Variants in A1CF observed in about 807,000 individuals in gnomAD.
A1CF encodes APOBEC1 complementation factor, also known as APOBEC-1 stimulating protein.
A1CF carries 48 observed loss-of-function variants against 68.9 expected under a neutral mutation model. The observed-to-expected ratio is 0.70, with a 90% CI of 0.55 to 0.89. A1CF has a LOEUF of 0.89. A1CF is among the 40% of genes least tolerant of loss of function. The pLI is 0.00. For missense variants in A1CF, 653 were observed against 718.9 expected (o/e 0.91, Z 1.05); for synonymous variants, 272 against 260.4 (o/e 1.04, Z -0.43).
intron 3 of A1CF, among the ~76,000 whole-genome samples, chr10:50,851,080 A>G (rs1237104334): frequency 6.6e-6 from 1 of 152,194 alleles, no homozygotes; most frequent in Non-Finnish European, 1.5e-5. Context: ...ACATAATCCC[A>G]TCCAATGCAC....
At chr10:50,874,885 A>G (rs781412580) in intron 1 of A1CF, among the ~76,000 whole-genome samples, 1 of 152,102 alleles carries the variant, frequency 6.6e-6, no homozygotes, top group Admixed American at 6.5e-5. Context: ...TGGTAGAATC[A>G]CCTGTGCTTA....
chr10:50,835,302 G>T (rs974018602), intron 6 of A1CF, among the ~76,000 whole-genome samples: 6 of 152,042 alleles, frequency 3.9e-5, no homozygotes, highest in African/African-American at 1.2e-4. Context: ...CATCTTTGTT[G>T]TGGTTGTTTT....
intron 7 of A1CF, among the ~76,000 whole-genome samples, chr10:50,826,702 G>T (rs1251750151): frequency 6.6e-6 from 1 of 152,036 alleles, no homozygotes; most frequent in Non-Finnish European, 1.5e-5. Context: ...GACCATCCAG[G>T]CTAGGAAGAA....
chr10:50,834,479 G>T (rs543237089), intron 6 of A1CF, among the ~76,000 whole-genome samples: 80 of 152,306 alleles, frequency 5.3e-4, no homozygotes, highest in African/African-American at 1.9e-3. Context: ...GGTCATTGAG[G>T]TGTCTGTCCT....
chr10:50,824,939 G>A (rs1838847646), intron 7 of A1CF, among the ~76,000 whole-genome samples: 1 of 152,188 alleles, frequency 6.6e-6, no homozygotes. Context: ...TTGGCACACA[G>A]TAAGGTGGTC....
chr10:50,838,264 C>A (rs1839612817), intron 5 of A1CF, among the ~76,000 whole-genome samples: 1 of 152,228 alleles, frequency 6.6e-6, no homozygotes, highest in South Asian at 2.1e-4. Context: ...GCTGAAGAAC[C>A]AAGGACCGTG....
rs1209343729 is a variant in A1CF at position 50,860,086 on chromosome 10, G to A, written c.-45-101C>T. The A allele has an allele frequency of 2.4e-5, 15 of 630,832 alleles. No individual in the cohort carries two copies. The East Asian group carries it at 2.8e-4, about 12-fold the overall frequency. The allele number at this position is 630,832 out of a possible 1,614,324, so 39.1% of individuals were successfully genotyped here. On this transcript the variant is annotated intron_variant, in intron 2 of 12. Coordinates refer to ENST00000373997, the MANE Select transcript of A1CF (RefSeq NM_014576.4). ...TTTAGGAAATATTCTCTGTAAATGC[G>A]TCATTAAAGTTAGAGCAACTAAGAG...
Position 50,806,648 on chromosome 10 carries a change from G to T in A1CF, c.*81C>A. On this transcript the variant is annotated 3_prime_UTR_variant, in exon 13 of 13. Coordinates refer to ENST00000373997, the MANE Select transcript of A1CF (RefSeq NM_014576.4). ...AGGAAACATATTATTTATGATCATT[G>T]GGGACCGAGTTAGAGGTTTATTTCT... The T allele has an allele frequency of 7.6e-7, 1 of 1,316,026 alleles. No individual in the cohort carries two copies. Among genetic ancestry groups the T allele is most frequent in the Non-Finnish European group, 1.0e-6 (1 of 983,210 alleles). The allele number at this position is 1,316,026 out of a possible 1,614,324, so 81.5% of individuals were successfully genotyped here.
chr10:50,809,708 A>G lies in A1CF; in HGVS notation c.1609+186T>C, dbSNP rs143065916. Among the ~76,000 whole-genome samples the G allele has an allele frequency of 3.5e-4, 53 of 152,330 alleles. 1 individual carries two copies. The highest frequency in any genetic ancestry group is 1.1e-3 in the African/African-American group (46 of 41,586). On this transcript the variant is annotated intron_variant, in intron 12 of 12. Coordinates refer to ENST00000373997, the MANE Select transcript of A1CF (RefSeq NM_014576.4). ...GAGACCAGAACCCACTCTGCTGCCC[A>G]GCTTGATTTTCTTGCCTCGTGTTTT...
intron 1 of A1CF, among the ~76,000 whole-genome samples, chr10:50,865,510 A>G (rs16910442): frequency 0.1 from 15,776 of 152,190 alleles, 1,263 homozygotes; most frequent in East Asian, 0.4. Context: ...TAACTCCAAG[A>G]GGCAGAATTT....
Position 50,806,672 on chromosome 10 carries a change from C to CTTT in A1CF, c.*54_*56dup. On this transcript the variant is annotated 3_prime_UTR_variant, in exon 13 of 13. Transcript: ENST00000373997. ...TGGGGACCGAGTTAGAGGTTTATTT[C>CTTT]TTTTTTTTTTTTAATAGAGTTTTGT... 7.1e-6 allele frequency: 8 copies of CTTT among 1,121,986 alleles called. No individual in the cohort carries two copies. The highest frequency in any genetic ancestry group is 1.8e-5 in the South Asian group (1 of 55,690). 69.5% of individuals were successfully genotyped at this position (1,121,986 alleles called of 1,614,324 possible). A position where few individuals can be genotyped will look rare whatever the true frequency, so the allele number is the denominator to read the frequency against.
chr10:50,830,926 G>T (rs908371128), intron 6 of A1CF, among the ~76,000 whole-genome samples: 1 of 152,058 alleles, frequency 6.6e-6, no homozygotes, highest in Non-Finnish European at 1.5e-5. Context: ...TTAGGCCAAT[G>T]AAACAAAATA....
chr10:50,831,784 G>A (rs747745862), intron 6 of A1CF, among the ~76,000 whole-genome samples: 1 of 152,048 alleles, frequency 6.6e-6, no homozygotes, highest in Non-Finnish European at 1.5e-5. Context: ...CTCAAAAGAA[G>A]AAATATAAAT....
chr10:50,820,096 C>G (rs924567993), intron 8 of A1CF, among the ~76,000 whole-genome samples: 2 of 152,166 alleles, frequency 1.3e-5, no homozygotes, highest in Non-Finnish European at 2.9e-5. Context: ...GCTTCCCCAG[C>G]CCCTACTCTT....
chr10:50,870,663 C>A (rs796164583), intron 1 of A1CF, among the ~76,000 whole-genome samples: 1 of 151,750 alleles, frequency 6.6e-6, no homozygotes, highest in Admixed American at 6.6e-5. Context: ...ACACCAGATC[C>A]AGATGGTTTT....
At chr10:50,834,063 G>T (rs1414486718) in intron 6 of A1CF, among the ~76,000 whole-genome samples, 1 of 152,256 alleles carries the variant, frequency 6.6e-6, no homozygotes, top group East Asian at 1.9e-4. Context: ...TATCTGATAG[G>T]ACCTGGCTAG....
At chr10:50,821,074 GTAATTAACTTTAAATTA>G (rs1022438491) in intron 7 of A1CF, among the ~76,000 whole-genome samples, 3 of 152,086 alleles carry the variant, frequency 2.0e-5, no homozygotes, top group African/African-American at 7.2e-5. Flanking sequence ...TTTGTCTTAT[GTAATTAACTTTAAATTA>G]CTTTTAAAAA....
chr10:50,844,235 C>T (rs1839900935), intron 3 of A1CF, 113 bp from the exon 4 acceptor site: 3 of 1,450,078 alleles, frequency 2.1e-6, no homozygotes, highest in Non-Finnish European at 2.8e-6. Flanking sequence ...TTATCATTGA[C>T]AAGTAATAAT....
chr10:50,852,646 A>G (rs1840300585), intron 3 of A1CF, among the ~76,000 whole-genome samples: 1 of 152,266 alleles, frequency 6.6e-6, no homozygotes. Flanking sequence ...CAGGCAATAG[A>G]GGAAAAAGTA....
Sources: gnomAD v4.1 joint callset for allele counts (sites outside exome capture counted in the v4.1 genomes callset) on GRCh38, gnomAD v4.1.1 for gene constraint, MANE v1.5 for transcripts, NCBI Gene and HGNC (gene_info 2026-07-23, HGNC 2026-07-21) for gene names.